The following WWOX variants were observed in gnomAD, a reference collection of about 807,000 sequenced individuals.
The protein encoded by WWOX is WW domain-containing oxidoreductase.
Under a neutral mutation model 46.2 loss-of-function variants are expected in WWOX, and 69 were observed. That is an observed-to-expected ratio of 1.49 (90% CI 1.23 to 1.82). The LOEUF (loss-of-function observed/expected upper bound fraction) is 1.82. Among genes scored for constraint, WWOX ranks in the 40% most tolerant of loss-of-function variants. WWOX has a pLI of 0.00. For synonymous variants in WWOX, 359 were observed against 202.6 expected (o/e 1.77, Z -6.56); for missense variants, 919 against 542.6 (o/e 1.69, Z -6.89).
chr16:78,681,405 A>G (rs1328651516), intron 8 of WWOX, among the ~76,000 whole-genome samples: 1 of 152,198 alleles, frequency 6.6e-6, no homozygotes, highest in Non-Finnish European at 1.5e-5. Flanking sequence ...CTCTGTCTCA[A>G]AAAACCAAAA....
At chr16:78,379,800 C>G (rs998947020) in intron 5 of WWOX, among the ~76,000 whole-genome samples, 25 of 152,254 alleles carry the variant, frequency 1.6e-4, no homozygotes, top group African/African-American at 5.8e-4. Flanking sequence ...GTTTTGAAAA[C>G]TAGGTTTGAT....
Position 78,341,705 on chromosome 16 carries a change from C to G in WWOX, c.517-45155C>G, listed in dbSNP as rs1203621855. On this transcript the variant is annotated intron_variant, in intron 5 of 8. Transcript: ENST00000566780. ...AGAGCACACAGGTGAGACATAGCAT[C>G]GAGTGTGGAAACCTCCATGGGTGGC... 1.4e-4 allele frequency among the ~76,000 whole-genome samples: 17 copies of G among 119,664 alleles called. 5 individuals carry two copies. Among genetic ancestry groups the G allele is most frequent in the Admixed American group, 7.3e-4 (9 of 12,300 alleles). 78.5% of individuals were successfully genotyped at this position (119,664 alleles called of 152,430 possible). A position where few individuals can be genotyped will look rare whatever the true frequency, so the allele number is the denominator to read the frequency against.
intron 8 of WWOX, among the ~76,000 whole-genome samples, chr16:79,138,307 A>T (rs957589645): frequency 6.6e-6 from 1 of 152,172 alleles, no homozygotes; most frequent in Non-Finnish European, 1.5e-5. Flanking sequence ...TTTTGTGTGG[A>T]GAGGATGGCG....
chr16:78,410,134 C>T (rs924054871), intron 6 of WWOX, among the ~76,000 whole-genome samples: 2 of 152,298 alleles, frequency 1.3e-5, no homozygotes, highest in East Asian at 1.9e-4. Flanking sequence ...CTTGCCCTCA[C>T]CATGTTAGCT....
At chr16:78,572,279 C>T (rs959572426) in intron 8 of WWOX, among the ~76,000 whole-genome samples, 1 of 152,120 alleles carries the variant, frequency 6.6e-6, no homozygotes, top group East Asian at 1.9e-4. Context: ...AGAAGAATCT[C>T]AGCAACATAA....
chr16:78,805,229 G>T (rs2050998206), intron 8 of WWOX, among the ~76,000 whole-genome samples: 1 of 152,150 alleles, frequency 6.6e-6, no homozygotes, highest in African/African-American at 2.4e-5. Flanking sequence ...CACTGCCTCT[G>T]GAGAATCAAA....
At chr16:78,595,385 C>T (rs2045464095) in intron 8 of WWOX, among the ~76,000 whole-genome samples, 2 of 118,030 alleles carry the variant, frequency 1.7e-5, no homozygotes, top group Non-Finnish European at 4.2e-5. Flanking sequence ...TCCCCGCTGA[C>T]AGCCACAAGA....
intron 4 of WWOX, among the ~76,000 whole-genome samples, chr16:78,153,563 T>C (rs376184221): frequency 6.6e-6 from 1 of 152,074 alleles, no homozygotes; most frequent in African/African-American, 2.4e-5. Flanking sequence ...CTACAACTTG[T>C]TGATTGGTTC....
At chr16:79,058,810 A>G (rs1426481515) in intron 8 of WWOX, among the ~76,000 whole-genome samples, 2 of 152,216 alleles carry the variant, frequency 1.3e-5, no homozygotes, top group East Asian at 1.9e-4. Flanking sequence ...TTGTGTGTGT[A>G]AAATTCAAAT....
chr16:78,249,013 T>C (rs139851829), intron 5 of WWOX, among the ~76,000 whole-genome samples: 2,632 of 151,914 alleles, frequency 0.017, 68 homozygotes, highest in African/African-American at 0.057. Context: ...CGTGCCACCA[T>C]GCCCAGCTAA....
intron 4 of WWOX, among the ~76,000 whole-genome samples, chr16:78,129,668 G>T (rs1244274762): frequency 6.6e-6 from 1 of 151,078 alleles, no homozygotes; most frequent in Non-Finnish European, 1.5e-5. Flanking sequence ...GATGTTTTTT[G>T]TATGGACCAC....
At chr16:78,833,887 G>T (rs996523220) in intron 8 of WWOX, among the ~76,000 whole-genome samples, 3 of 152,252 alleles carry the variant, frequency 2.0e-5, no homozygotes, top group Non-Finnish European at 4.4e-5. Context: ...GTACCATACA[G>T]GCACTTTGTC....
chr16:78,103,975 G>C (rs936239308), intron 1 of WWOX, among the ~76,000 whole-genome samples: 1 of 152,084 alleles, frequency 6.6e-6, no homozygotes, highest in Admixed American at 6.5e-5. Flanking sequence ...GGTCGAGGTA[G>C]ACCGGGAACC....
intron 8 of WWOX, among the ~76,000 whole-genome samples, chr16:78,736,214 T>A (rs1328307641): frequency 6.6e-6 from 1 of 152,184 alleles, no homozygotes; most frequent in African/African-American, 2.4e-5. Flanking sequence ...GGAATAAAAA[T>A]CACACCTCAA....
intron 5 of WWOX, among the ~76,000 whole-genome samples, chr16:78,202,513 T>C (rs544390652): frequency 1.9e-3 from 288 of 152,360 alleles, no homozygotes; most frequent in Non-Finnish European, 3.0e-3. Flanking sequence ...GTTGTAACCA[T>C]CACATTCATT....
chr16:78,897,006 C>T (rs945486279), intron 8 of WWOX: 4 of 151,206 alleles, frequency 2.6e-5, no homozygotes, highest in Non-Finnish European at 5.9e-5. Flanking sequence ...GGAGGGTGGA[C>T]CACTTGAGGC....
chr16:78,775,548 A>T (rs540774077), intron 8 of WWOX, among the ~76,000 whole-genome samples: 9 of 152,044 alleles, frequency 5.9e-5, no homozygotes, highest in African/African-American at 2.2e-4. Flanking sequence ...GGGCTTTGAA[A>T]CTGCTCATCC....
At chr16:79,107,765 G>C (rs1424600102) in intron 8 of WWOX, among the ~76,000 whole-genome samples, 1 of 152,114 alleles carries the variant, frequency 6.6e-6, no homozygotes, top group Non-Finnish European at 1.5e-5. Flanking sequence ...GAAATCATTA[G>C]GTGCTACATG....
At chr16:79,097,302 GC>G (rs1317459739) in intron 8 of WWOX, among the ~76,000 whole-genome samples, 1 of 151,354 alleles carries the variant, frequency 6.6e-6, no homozygotes, top group Non-Finnish European at 1.5e-5. Flanking sequence ...GATCCGAGAT[GC>G]CATTCGCAAT....
Sources: allele counts gnomAD v4.1 joint callset (sites outside exome capture counted in the v4.1 genomes callset), GRCh38; gene constraint gnomAD v4.1.1; transcripts MANE v1.5; gene names NCBI Gene and HGNC (gene_info 2026-07-23, HGNC 2026-07-21).